The following ARHGAP35 variants were observed in gnomAD, a reference collection of about 807,000 sequenced individuals.
The protein encoded by ARHGAP35 is Rho GTPase activating protein 35.
Under a neutral mutation model 111.1 loss-of-function variants are expected in ARHGAP35, and 15 were observed. That is an observed-to-expected ratio of 0.13 (90% CI 0.09 to 0.21). The LOEUF (loss-of-function observed/expected upper bound fraction) is 0.21, where lower values mean the gene tolerates loss of function less well. ARHGAP35 is among the 10% of genes least tolerant of loss of function. The pLI is 1.00. For synonymous variants in ARHGAP35, 643 were observed against 710.3 expected (o/e 0.91, Z 1.51); for missense variants, 1,262 against 1,873.0 (o/e 0.67, Z 6.02).
intron 5 of ARHGAP35, among the ~76,000 whole-genome samples, chr19:46,995,509 G>A (rs1377230141): frequency 4.6e-5 from 7 of 152,230 alleles, no homozygotes; most frequent in African/African-American, 1.7e-4. Context: ...GCCGCGTGCA[G>A]GGAGGCGGGG....
chr19:46,981,286 G>A (rs187463343), intron 3 of ARHGAP35, among the ~76,000 whole-genome samples: 51 of 152,342 alleles, frequency 3.3e-4, no homozygotes, highest in African/African-American at 7.9e-4. Context: ...CAGAAAAGTC[G>A]ACAAAAGTTG....
chr19:46,893,731 T>C (rs2056038427), intron 1 of ARHGAP35, among the ~76,000 whole-genome samples: 1 of 152,034 alleles, frequency 6.6e-6, no homozygotes, highest in Non-Finnish European at 1.5e-5. Context: ...GGGACTTAAA[T>C]CTTTCAATAA....
At chr19:46,882,462 G>A (rs2055967590) in intron 1 of ARHGAP35, among the ~76,000 whole-genome samples, 1 of 152,096 alleles carries the variant, frequency 6.6e-6, no homozygotes, top group Non-Finnish European at 1.5e-5. Context: ...ATCAGCAATA[G>A]GCTGTTTCAC....
At chr19:46,910,456 G>A (rs7260442) in intron 1 of ARHGAP35, among the ~76,000 whole-genome samples, 9,052 of 150,082 alleles carry the variant, frequency 0.06, 392 homozygotes, top group East Asian at 0.17. Flanking sequence ...CTCACCCAGC[G>A]AATTTTTTTT....
At chr19:46,869,335 T>TA (rs977060235) in intron 1 of ARHGAP35, among the ~76,000 whole-genome samples, 1 of 152,068 alleles carries the variant, frequency 6.6e-6, no homozygotes, top group Non-Finnish European at 1.5e-5. Context: ...CTCACGCCTG[T>TA]AATCCCAGCA....
intron 1 of ARHGAP35, among the ~76,000 whole-genome samples, chr19:46,915,171 G>A (rs1462840548): frequency 6.6e-6 from 1 of 152,202 alleles, no homozygotes; most frequent in Non-Finnish European, 1.5e-5. Flanking sequence ...GAGGATGTGT[G>A]TAAACATGCT....
intron 3 of ARHGAP35, among the ~76,000 whole-genome samples, chr19:46,973,608 G>A (rs1045884180): frequency 3.3e-5 from 5 of 151,680 alleles, no homozygotes; most frequent in African/African-American, 9.7e-5. Flanking sequence ...GGAGAATGGC[G>A]TGAACCCAGG....
Position 46,988,429 on chromosome 19 carries a change from TG to T in ARHGAP35, c.3904+364del. The T allele has an allele frequency of 4.0e-6, 1 of 250,280 alleles. No individual in the cohort carries two copies. Among genetic ancestry groups the T allele is most frequent in the East Asian group, 1.1e-4 (1 of 9,112 alleles). 15.5% of individuals were successfully genotyped at this position (250,280 alleles called of 1,614,324 possible). The stretch of plus-strand genomic sequence containing the variant: ...ACATGATATACAAGTCGGGTTGAGA[TG>T]TGATCCTGTTTTGCCAGGGCCTCAG... On this transcript the variant is annotated intron_variant, in intron 4 of 6. Coordinates refer to ENST00000672722, the MANE Select transcript of ARHGAP35 (RefSeq NM_004491.5). The surrounding 1 kb of genome is among the most constrained non-coding windows in gnomAD (Gnocchi z 5.4).
Position 46,919,565 on chromosome 19 carries a change from G to A in ARHGAP35, c.890G>A (p.Arg297Gln), listed in dbSNP as rs372625983. 32 of 1,613,902 alleles carry A rather than the reference G, an allele frequency of 2.0e-5. No homozygotes were observed. The highest frequency in any genetic ancestry group is 1.7e-4 in the Middle Eastern group (1 of 6,060). The change falls in exon 2 of 7, where the codon CGA becomes CAA. Residue 297 changes from arginine to glutamine, a missense_variant. Around this residue, in one of 8 missense-constraint regions of ARHGAP35, gnomAD observed 328 missense variants for 440.8 expected, o/e 0.74. Transcript: ENST00000672722. This position sits in a 1 kb window ranked among gnomAD's most constrained non-coding sequence, Gnocchi z 6.2. ...AATGAGAACTGGCTGAGTGTCAGCC[G>A]AAAGATGCAGGCCTCTCCAGAATAC... Reference protein sequence around the residue: ...NHNENWLSVSRKMQASPEYQD... With the variant: ...NHNENWLSVSQKMQASPEYQD...
intron 3 of ARHGAP35, among the ~76,000 whole-genome samples, chr19:46,960,636 A>G (rs550499436): frequency 1.3e-5 from 2 of 152,342 alleles, no homozygotes; most frequent in African/African-American, 4.8e-5. Flanking sequence ...CGTTAGAAGT[A>G]AAAAGTAAAG....
chr19:46,936,682 A>G (rs2056309513), intron 2 of ARHGAP35, among the ~76,000 whole-genome samples: 1 of 152,082 alleles, frequency 6.6e-6, no homozygotes, highest in Admixed American at 6.6e-5. Flanking sequence ...TTATTTTATT[A>G]CATAAACATG....
At chr19:46,972,057 T>G (rs1006247571) in intron 3 of ARHGAP35, among the ~76,000 whole-genome samples, 3 of 152,234 alleles carry the variant, frequency 2.0e-5, no homozygotes, top group Admixed American at 2.0e-4. Flanking sequence ...TCACCCAGGC[T>G]GGAGTGCAGT....
At chr19:46,907,469 A>G (rs1043206145) in intron 1 of ARHGAP35, among the ~76,000 whole-genome samples, 7 of 130,288 alleles carry the variant, frequency 5.4e-5, no homozygotes, top group East Asian at 2.1e-4. Context: ...TCTGTTTCTT[A>G]GCTTCTTTTT....
intron 3 of ARHGAP35, among the ~76,000 whole-genome samples, chr19:46,955,390 G>A (rs1224598343): frequency 6.6e-6 from 1 of 152,216 alleles, no homozygotes; most frequent in African/African-American, 2.4e-5. Context: ...ACATTGATAA[G>A]CATTATTTCA....
intron 3 of ARHGAP35, among the ~76,000 whole-genome samples, chr19:46,957,178 G>A (rs941952610): frequency 6.6e-6 from 1 of 151,764 alleles, no homozygotes; most frequent in African/African-American, 2.4e-5. Context: ...AGCCAGAATG[G>A]TCTCAAACTC....
intron 3 of ARHGAP35, among the ~76,000 whole-genome samples, chr19:46,955,186 T>C (rs1416690666): frequency 6.6e-6 from 1 of 152,182 alleles, no homozygotes; most frequent in Non-Finnish European, 1.5e-5. Context: ...GTAACAGTCC[T>C]TGATTCTAAG....
chr19:46,898,354 A>G (rs2056068248), intron 1 of ARHGAP35, among the ~76,000 whole-genome samples: 1 of 152,176 alleles, frequency 6.6e-6, no homozygotes, highest in East Asian at 1.9e-4. Context: ...AAATATACTT[A>G]TTGACTTTCC....
Position 46,957,118 on chromosome 19 carries a change from C to T in ARHGAP35, c.3826+19710C>T, listed in dbSNP as rs563749772. On this transcript the variant is annotated intron_variant, in intron 3 of 6. Transcript: ENST00000672722. The stretch of plus-strand genomic sequence containing the variant: ...CTGGGACTACAGGCACACACCACCA[C>T]GCCCAACTAATTTTTTGTATTTTTA... 9.7e-4 allele frequency among the ~76,000 whole-genome samples: 148 copies of T among 152,010 alleles called. 1 individual carries two copies. The South Asian group carries it at 0.022, about 23-fold the overall frequency.
intron 3 of ARHGAP35, among the ~76,000 whole-genome samples, chr19:46,954,733 C>G (rs1017048011): frequency 5.3e-5 from 8 of 152,246 alleles, no homozygotes; most frequent in African/African-American, 1.4e-4. Flanking sequence ...CAAACTCACA[C>G]AATTTATCTT....
Sources: allele counts gnomAD v4.1 joint callset (sites outside exome capture counted in the v4.1 genomes callset), GRCh38; gene constraint gnomAD v4.1.1; regional missense constraint gnomAD v4.1.1; non-coding constraint Gnocchi (gnomAD v3.1); transcripts MANE v1.5; gene names NCBI Gene and HGNC (gene_info 2026-07-23, HGNC 2026-07-21).